Variants in SORBS2 observed in about 807,000 individuals in gnomAD.
SORBS2 encodes the protein sorbin and SH3 domain containing 2.
Under a neutral mutation model 97.7 loss-of-function variants are expected in SORBS2, and 46 were observed. That is an observed-to-expected ratio of 0.47 (90% CI 0.37 to 0.60). The LOEUF is 0.60. Among genes scored for constraint, SORBS2 ranks in the 20% least tolerant of loss-of-function variants. SORBS2 has a pLI of 0.00. For missense variants in SORBS2, 1,316 were observed against 1,282.3 expected (o/e 1.03, Z -0.40); for synonymous variants, 476 against 473.4 (o/e 1.01, Z -0.07).
At chr4:185,862,208 C>T (rs2099224219) in intron 1 of SORBS2, among the ~76,000 whole-genome samples, 1 of 152,146 alleles carries the variant, frequency 6.6e-6, no homozygotes, top group Admixed American at 6.5e-5. Context: ...AACAGGGGGA[C>T]CCAGTAGGTG....
At chr4:185,938,056 C>G (rs1260381999) in intron 1 of SORBS2, among the ~76,000 whole-genome samples, 1 of 142,416 alleles carries the variant, frequency 7.0e-6, no homozygotes, top group Non-Finnish European at 1.5e-5. Context: ...GTCACCCAGG[C>G]TGGAGTGCAG....
At chr4:185,844,023 C>T (rs72705755) in intron 1 of SORBS2, among the ~76,000 whole-genome samples, 18,151 of 152,150 alleles carry the variant, frequency 0.12, 1,191 homozygotes, top group Non-Finnish European at 0.15. Context: ...TATGAGATAA[C>T]ACATCCCTTC....
intron 1 of SORBS2, among the ~76,000 whole-genome samples, chr4:185,910,387 G>A (rs1439199448): frequency 6.6e-6 from 1 of 152,136 alleles, no homozygotes; most frequent in East Asian, 1.9e-4. Flanking sequence ...CCTTTATGAA[G>A]TTGACTTCAT....
chr4:185,650,610 C>T (rs2097297368), intron 2 of SORBS2, among the ~76,000 whole-genome samples: 1 of 152,194 alleles, frequency 6.6e-6, no homozygotes, highest in Non-Finnish European at 1.5e-5. Flanking sequence ...TTCCTGCACC[C>T]AATCATTGGA....
Position 185,929,878 on chromosome 4 carries a change from A to G in SORBS2, c.-338+26318T>C, listed in dbSNP as rs551071354. ...CCTGATTTTGGGCGTGTGTGACACT[A>G]TGGGTTGAATCTCATATTCTGCTAT... is the stretch of plus-strand genomic sequence containing the variant. On this transcript the variant is annotated intron_variant, in intron 1 of 20. Transcript: ENST00000284776. 2.6e-5 allele frequency among the ~76,000 whole-genome samples: 4 copies of G among 152,216 alleles called. No homozygotes were observed. In the South Asian group the frequency reaches 6.2e-4, roughly 24 times the overall value.
At chr4:185,770,523 AG>A (rs1163256032) in intron 2 of SORBS2, among the ~76,000 whole-genome samples, 1 of 152,206 alleles carries the variant, frequency 6.6e-6, no homozygotes, top group South Asian at 2.1e-4. Flanking sequence ...CTTATTTCAG[AG>A]AAAAACATAA....
intron 9 of SORBS2, among the ~76,000 whole-genome samples, chr4:185,616,369 C>A (rs2096627177): frequency 6.6e-6 from 1 of 152,120 alleles, no homozygotes; most frequent in Non-Finnish European, 1.5e-5. Flanking sequence ...TTTTCAGTAA[C>A]CCTAAAAACA....
chr4:185,869,463 G>A (rs111759900), intron 1 of SORBS2, among the ~76,000 whole-genome samples: 1 of 152,086 alleles, frequency 6.6e-6, no homozygotes, highest in African/African-American at 2.4e-5. Context: ...TGCTACCCTG[G>A]GCATATGCCC....
At chr4:185,603,236 C>A (rs11132330) in intron 12 of SORBS2, among the ~76,000 whole-genome samples, 80,623 of 151,354 alleles carry the variant, frequency 0.53, 22,576 homozygotes, top group East Asian at 0.79. Context: ...GCTTAAAAAC[C>A]GAAGAACAAG....
At chr4:185,770,110 A>G (rs12640785) in intron 2 of SORBS2, among the ~76,000 whole-genome samples, 27,807 of 146,870 alleles carry the variant, frequency 0.19, 2,740 homozygotes, top group Middle Eastern at 0.28. Flanking sequence ...ACGAAGTCTC[A>G]CCCTGTCACC....
At chr4:185,941,441 A>G (rs1247374644) in intron 1 of SORBS2, among the ~76,000 whole-genome samples, 1 of 152,190 alleles carries the variant, frequency 6.6e-6, no homozygotes, top group African/African-American at 2.4e-5. Flanking sequence ...TGGAAATAAT[A>G]TACTTGTTTA....
chr4:185,746,554 G>C (rs1316304488), intron 2 of SORBS2, among the ~76,000 whole-genome samples: 1 of 152,146 alleles, frequency 6.6e-6, no homozygotes, highest in South Asian at 2.1e-4. Flanking sequence ...CTGACCTCAA[G>C]TGGTCCTCCT....
chr4:185,587,733 A>G lies in SORBS2; in HGVS notation c.2954-45T>C, dbSNP rs147237246. 1.4e-5 allele frequency: 20 copies of G among 1,437,192 alleles called. No homozygotes were observed. The East Asian group carries it at 4.5e-4, about 33-fold the overall frequency. 89.0% of individuals were successfully genotyped at this position (1,437,192 alleles called of 1,614,324 possible). A position where few individuals can be genotyped will look rare whatever the true frequency, so the allele number is the denominator to read the frequency against. On this transcript the variant is annotated intron_variant, in intron 14 of 14. Coordinates refer to ENST00000418609, the Ensembl canonical transcript of SORBS2. ...ATGAAAGGGGGGTGACAACGATATC[A>G]GTTCATACACATGGGCTTGAATACT...
At chr4:185,786,728 G>A (rs187967438) in intron 1 of SORBS2, among the ~76,000 whole-genome samples, 27 of 152,276 alleles carry the variant, frequency 1.8e-4, no homozygotes, top group African/African-American at 4.1e-4. Context: ...TTGGGAGGCC[G>A]GGGCGAGCAA....
At chr4:185,640,631 T>C (rs1323209232) in intron 4 of SORBS2, among the ~76,000 whole-genome samples, 1 of 152,208 alleles carries the variant, frequency 6.6e-6, no homozygotes, top group Admixed American at 6.5e-5. Flanking sequence ...TAATTCAATT[T>C]ATATTTGATT....
intron 2 of SORBS2, among the ~76,000 whole-genome samples, chr4:185,699,636 A>T (rs150446456): frequency 1.4e-3 from 218 of 152,268 alleles, no homozygotes; most frequent in Middle Eastern, 0.01. Context: ...TCATTTTAGA[A>T]AATTTGAACG....
intron 2 of SORBS2, among the ~76,000 whole-genome samples, chr4:185,767,011 G>A (rs535549236): frequency 1.3e-5 from 2 of 151,304 alleles, no homozygotes; most frequent in South Asian, 4.2e-4. Flanking sequence ...GATTCTTTTC[G>A]GTATGCCGAC....
chr4:185,840,780 G>C lies in SORBS2; in HGVS notation c.-337-65414C>G, dbSNP rs1408502224. On this transcript the variant is annotated intron_variant, in intron 1 of 20. Coordinates refer to the SORBS2 transcript ENST00000284776. ...TCTGTGCTTTGTATTGCAGGCACTT[G>C]ATACCGAGATGAAGGCAACAGAATC... 4.6e-5 allele frequency among the ~76,000 whole-genome samples: 7 copies of C among 152,188 alleles called. No individual in the cohort carries two copies. The East Asian group carries it at 1.2e-3, about 25-fold the overall frequency.
intron 2 of SORBS2, among the ~76,000 whole-genome samples, chr4:185,687,307 C>T (rs887783564): frequency 2.0e-5 from 3 of 152,146 alleles, no homozygotes; most frequent in Non-Finnish European, 4.4e-5. Flanking sequence ...GAATTACAGG[C>T]GTGAGCCACC....
Sources: allele counts gnomAD v4.1 joint callset (sites outside exome capture counted in the v4.1 genomes callset), GRCh38; gene constraint gnomAD v4.1.1; transcripts MANE v1.5; gene names NCBI Gene and HGNC (gene_info 2026-07-23, HGNC 2026-07-21).